The following GLI3 variants were observed in gnomAD, a reference collection of about 807,000 sequenced individuals.
The protein encoded by GLI3 is GLI family zinc finger 3.
GLI3 carries 20 observed loss-of-function variants against 100.8 expected under a neutral mutation model. The observed-to-expected ratio is 0.20, with a 90% CI of 0.14 to 0.29. The LOEUF is 0.29. Ranked by LOEUF, GLI3 falls within the 10% of genes least tolerant of loss-of-function variation. The probability of loss-of-function intolerance (pLI) is 1.00; values close to 1 mark genes in which losing one functional copy is unlikely to be tolerated. For missense variants in GLI3, 2,040 were observed against 2,128.5 expected, an observed-to-expected ratio of 0.96 and a Z score of 0.82; for synonymous variants, 938 against 860.5, an observed-to-expected ratio of 1.09 and a Z score of -1.58.
At chr7:42,073,653 G>T (rs142429300) in intron 4 of GLI3, among the ~76,000 whole-genome samples, 1 of 152,180 alleles carries the variant, frequency 6.6e-6, no homozygotes, top group Non-Finnish European at 1.5e-5. Context: ...TTATAGAAGC[G>T]CCTGCCCTTC....
chr7:42,069,497 C>T (rs1057138707), intron 4 of GLI3, among the ~76,000 whole-genome samples: 2 of 152,158 alleles, frequency 1.3e-5, no homozygotes, highest in African/African-American at 4.8e-5. Flanking sequence ...TAAACTTTTT[C>T]AGTTAATCAC....
chr7:41,964,439 A>G lies in GLI3; in HGVS notation c.4634T>C (p.Leu1545Pro). 4 of 1,614,072 alleles carry G rather than the reference A, an allele frequency of 2.5e-6. No homozygotes were observed. Among genetic ancestry groups the G allele is most frequent in the Non-Finnish European group, 3.4e-6 (4 of 1,179,922 alleles). Residue 1545 changes from leucine (L) to proline (P), a missense_variant, in exon 15 of 15, where the codon CTC (leucine) becomes CCC (proline). Physicochemically the swap from Leu to Pro is moderately conservative, Grantham distance 98 (BLOSUM62 -3). Coordinates refer to ENST00000395925, the MANE Select transcript of GLI3 (RefSeq NM_000168.6). The stretch of plus-strand genomic sequence containing the variant: ...GCTCATGGACAGCGCTGGGAATGGG[A>G]GGGACGCCCGAGGCGTGGTGAGGCG... ...SSRLTTPRAS[L>P]PFPALSMSTT...
chr7:42,206,238 A>C (rs376872429), intron 2 of GLI3, among the ~76,000 whole-genome samples: 283 of 152,110 alleles, frequency 1.9e-3, no homozygotes, highest in African/African-American at 6.5e-3. Flanking sequence ...ACTGCACCCC[A>C]GCCTGGGCAA....
At position 41,966,615 on chromosome 7, in the gene GLI3, AGCT is replaced by A; in HGVS notation, c.2455_2457del (p.Ser819del). The A allele has an allele frequency of 6.2e-7, 1 of 1,614,112 alleles. No homozygotes were observed. Among genetic ancestry groups the A allele is most frequent in the South Asian group, 1.1e-5 (1 of 91,078 alleles). ...GGGAGAAGCGTCATGGGCCCACCCA[AGCT>A]GCAGGTGTTGTTGGACTGTGTGCCT... On this transcript the variant is annotated inframe_deletion, in exon 15 of 15. Coordinates refer to ENST00000395925, the MANE Select transcript of GLI3 (RefSeq NM_000168.6). The surrounding 1 kb of genome is among the most constrained non-coding windows in gnomAD (Gnocchi z 5.8).
intron 1 of GLI3, among the ~76,000 whole-genome samples, chr7:42,243,354 A>T (rs995684598): frequency 6.6e-6 from 1 of 152,292 alleles, no homozygotes; most frequent in Admixed American, 6.5e-5. Context: ...GAGTTTGTCT[A>T]TCTCTCCACC....
intron 13 of GLI3, among the ~76,000 whole-genome samples, chr7:41,971,169 T>C (rs1787354189): frequency 6.6e-6 from 1 of 152,232 alleles, no homozygotes; most frequent in South Asian, 2.1e-4. Flanking sequence ...TTGTGCATTA[T>C]TTCCCACCCA....
At chr7:42,032,608 A>G (rs1197837980) in intron 7 of GLI3, among the ~76,000 whole-genome samples, 1 of 152,180 alleles carries the variant, frequency 6.6e-6, no homozygotes, top group Non-Finnish European at 1.5e-5. Context: ...TGCTTCAGGA[A>G]TTCTATATAA....
intron 2 of GLI3, among the ~76,000 whole-genome samples, chr7:42,190,416 A>G (rs781250656): frequency 6.6e-6 from 1 of 152,228 alleles, no homozygotes; most frequent in Non-Finnish European, 1.5e-5. Flanking sequence ...GCTTTTTAAA[A>G]AAGTGTATTT....
intron 4 of GLI3, among the ~76,000 whole-genome samples, chr7:42,059,798 C>G (rs1337937627): frequency 1.3e-5 from 2 of 152,258 alleles, no homozygotes; most frequent in African/African-American, 4.8e-5. Context: ...CTCTCCTCTT[C>G]CCCTAAGATA....
intron 2 of GLI3, among the ~76,000 whole-genome samples, chr7:42,197,828 C>T (rs779866791): frequency 1.6e-4 from 24 of 152,134 alleles, no homozygotes; most frequent in African/African-American, 3.6e-4. Context: ...ATTCAGTCCA[C>T]GTTAACGCAA....
intron 2 of GLI3, 113 bp from the exon 3 acceptor site, chr7:42,148,581 T>A: frequency 9.4e-7 from 1 of 1,062,830 alleles, no homozygotes; most frequent in Non-Finnish European, 1.4e-6. Flanking sequence ...AGAAGTATCT[T>A]TCTCATTCAC....
At chr7:42,200,004 T>A (rs1028130155) in intron 2 of GLI3, among the ~76,000 whole-genome samples, 8 of 152,128 alleles carry the variant, frequency 5.3e-5, no homozygotes, top group African/African-American at 1.9e-4. Flanking sequence ...TGCAGTGAAC[T>A]GAGATCATGC....
chr7:42,055,332 T>C (rs1352217100), intron 4 of GLI3, among the ~76,000 whole-genome samples: 1 of 152,102 alleles, frequency 6.6e-6, no homozygotes. Flanking sequence ...ACTTTCCATC[T>C]GCTCTTCCTC....
chr7:42,143,951 T>C (rs963174449), intron 3 of GLI3, among the ~76,000 whole-genome samples: 1 of 152,132 alleles, frequency 6.6e-6, no homozygotes, highest in African/African-American at 2.4e-5. Context: ...CCCTATAATA[T>C]GACATGACTA....
intron 10 of GLI3, among the ~76,000 whole-genome samples, chr7:41,982,697 C>CA (rs200821387): frequency 0.15 from 17,412 of 114,624 alleles, 2,713 homozygotes; most frequent in African/African-American, 0.41. Flanking sequence ...GAACTTGTCT[C>CA]AAAAAAAAAA....
chr7:41,999,900 C>T (rs1250660229), intron 10 of GLI3, among the ~76,000 whole-genome samples: 1 of 152,188 alleles, frequency 6.6e-6, no homozygotes, highest in Non-Finnish European at 1.5e-5. Context: ...ATGGATAGGG[C>T]CTCAGACCAG....
chr7:42,249,962 T>C (rs1789014757), intron 1 of GLI3, among the ~76,000 whole-genome samples: 1 of 151,894 alleles, frequency 6.6e-6, no homozygotes, highest in Non-Finnish European at 1.5e-5. Flanking sequence ...AGGCATGGTG[T>C]TGCATACCTG....
chr7:42,066,735 C>T (rs371849208), intron 4 of GLI3, among the ~76,000 whole-genome samples: 14 of 152,338 alleles, frequency 9.2e-5, no homozygotes, highest in African/African-American at 2.9e-4. Flanking sequence ...AAGGCTGCAC[C>T]TCTGCTCACA....
chr7:42,217,168 C>T (rs756276167), intron 2 of GLI3, among the ~76,000 whole-genome samples: 8 of 152,126 alleles, frequency 5.3e-5, no homozygotes, highest in Non-Finnish European at 1.0e-4. Context: ...GTAGGTTGGC[C>T]TGAAGAGACA....
Sources: allele counts gnomAD v4.1 joint callset (sites outside exome capture counted in the v4.1 genomes callset), GRCh38; gene constraint gnomAD v4.1.1; non-coding constraint Gnocchi (gnomAD v3.1); transcripts MANE v1.5; gene names NCBI Gene and HGNC (gene_info 2026-07-23, HGNC 2026-07-21).